ARSF: variants seen among roughly 807,000 people sequenced by gnomAD.
The protein encoded by ARSF is arylsulfatase F.
ARSF carries 33 observed loss-of-function variants against 35.4 expected under a neutral mutation model. The observed-to-expected ratio is 0.93, with a 90% CI of 0.71 to 1.25. The LOEUF (loss-of-function observed/expected upper bound fraction) is 1.25, where lower values mean the gene tolerates loss of function less well. Ranked by LOEUF, ARSF falls within the 50% of genes most tolerant of loss-of-function variation. The probability of loss-of-function intolerance (pLI) is 0.00; values close to 1 mark genes in which losing one functional copy is unlikely to be tolerated. For synonymous variants in ARSF, 222 were observed against 193.1 expected (o/e 1.15, Z -1.24); for missense variants, 501 against 480.2 (o/e 1.04, Z -0.40).
intron 4 of ARSF, among the ~76,000 whole-genome samples, chrX:3,080,650 G>A (rs944835167): frequency 3.6e-5 from 4 of 110,212 alleles, no homozygotes; most frequent in African/African-American, 1.3e-4. Context: ...TTCATACACG[G>A]CGCCCTCTTG....
chrX:3,068,052 C>T (rs1323980622), intron 1 of ARSF, 21 bp from the exon 2 acceptor site: 14 of 1,105,112 alleles, frequency 1.3e-5, no homozygotes, highest in East Asian at 3.1e-5. Flanking sequence ...TTTTAAATCA[C>T]GTCTGTGTCT....
At chrX:3,073,016 T>C (rs1043829702) in intron 3 of ARSF, among the ~76,000 whole-genome samples, 62 of 100,563 alleles carry the variant, frequency 6.2e-4, no homozygotes, top group Non-Finnish European at 1.0e-3. Context: ...ATATTCACTT[T>C]TATATAAATG....
At chrX:3,092,835 T>C (rs139485720) in intron 7 of ARSF, among the ~76,000 whole-genome samples, 1,133 of 112,305 alleles carry the variant, frequency 0.01, 14 homozygotes, top group African/African-American at 0.034. Flanking sequence ...AAAAGTTGAT[T>C]TGTGGCCATT....
chrX:3,098,968 C>G (rs1176288785), intron 7 of ARSF, among the ~76,000 whole-genome samples: 1 of 110,453 alleles, frequency 9.1e-6, no homozygotes, highest in Non-Finnish European at 1.9e-5. Context: ...GTCCCCTTCA[C>G]CCATCTTTCC....
intron 7 of ARSF, among the ~76,000 whole-genome samples, chrX:3,092,488 G>A (rs1441451768): frequency 8.9e-6 from 1 of 111,883 alleles, no homozygotes; most frequent in Non-Finnish European, 1.9e-5. Context: ...GTTCAAACAA[G>A]GCACTTTGGG....
chrX:3,112,177 G>T lies in ARSF; in HGVS notation c.1394G>T (p.Gly465Val). The T allele has an allele frequency of 1.7e-6, 2 of 1,201,407 alleles. No individual in the cohort carries two copies. The highest frequency in any genetic ancestry group is 3.6e-5 in the South Asian group (2 of 55,129). Reference protein sequence around the residue: ...AVRWIPKDDSGSVWKAHYVTP... With the variant: ...AVRWIPKDDSVSVWKAHYVTP... ...GAGTCTCTCTTTTCTCCTCCAGGTG[G>T]GTCAGTTTGGAAGGCTCACTATGTG... is the stretch of plus-strand genomic sequence containing the variant. The change falls in exon 11 of 11, where the codon GGG becomes GTG. Residue 465 changes from glycine (G) to valine (V), a missense_variant. Gly to Val is a moderately radical substitution (Grantham distance 109). Transcript: ENST00000381127.
At chrX:3,080,665 G>A (rs774327100) in intron 4 of ARSF, among the ~76,000 whole-genome samples, 109 of 110,294 alleles carry the variant, frequency 9.9e-4, no homozygotes, top group South Asian at 2.0e-3. Context: ...CTCTTGCTGT[G>A]TCCTCACATG....
At chrX:3,094,227 T>C (rs1025521963) in intron 7 of ARSF, among the ~76,000 whole-genome samples, 1 of 111,875 alleles carries the variant, frequency 8.9e-6, no homozygotes, top group Non-Finnish European at 1.9e-5. Flanking sequence ...CTTTGGTGGC[T>C]GCTCCTGGAG....
At chrX:3,094,807 A>T (rs2090328476) in intron 7 of ARSF, among the ~76,000 whole-genome samples, 1 of 109,353 alleles carries the variant, frequency 9.1e-6, no homozygotes, top group African/African-American at 3.3e-5. Context: ...TGTCATATAT[A>T]TATATAATTT....
chrX:3,057,771 A>G (rs1365474674), intron 1 of ARSF, among the ~76,000 whole-genome samples: 2 of 111,847 alleles, frequency 1.8e-5, no homozygotes, highest in Non-Finnish European at 3.8e-5. Context: ...TCACTGGGTC[A>G]CTATACCCAG....
intron 3 of ARSF, among the ~76,000 whole-genome samples, chrX:3,075,877 TTC>T (rs1300833465): frequency 1.6e-5 from 1 of 62,921 alleles, no homozygotes; most frequent in Non-Finnish European, 3.0e-5. Flanking sequence ...TCCTCTCTTC[TTC>T]TCTCTCTCCA....
intron 1 of ARSF, among the ~76,000 whole-genome samples, chrX:3,067,647 T>C (rs1235690862): frequency 9.1e-6 from 1 of 109,543 alleles, no homozygotes. Flanking sequence ...GCACTTGAGG[T>C]CAGCAGTTCA....
intron 9 of ARSF, among the ~76,000 whole-genome samples, chrX:3,106,321 G>A (rs2090411005): frequency 8.9e-6 from 1 of 112,168 alleles, no homozygotes; most frequent in Non-Finnish European, 1.9e-5. Context: ...TGATTTTTTG[G>A]TTATTCCTAT....
At chrX:3,103,960 T>C (rs1346706389) in intron 9 of ARSF, 36 bp downstream of exon 9, 1 of 1,181,191 alleles carries the variant, frequency 8.5e-7, no homozygotes, top group African/African-American at 1.8e-5. Flanking sequence ...GAGCTTATTT[T>C]CACCCTTCTT....
chrX:3,055,669 G>A (rs1199868563), intron 1 of ARSF, among the ~76,000 whole-genome samples: 1 of 111,657 alleles, frequency 9.0e-6, no homozygotes, highest in African/African-American at 3.3e-5. Context: ...TGGGACAGAA[G>A]GATGAAAAGG....
At chrX:3,100,887 G>A (rs951787968) in intron 7 of ARSF, among the ~76,000 whole-genome samples, 200 bp from the exon 8 acceptor site, 9 of 111,525 alleles carry the variant, frequency 8.1e-5, no homozygotes, top group Non-Finnish European at 1.3e-4. Context: ...GAGCCACCGC[G>A]CCCGGCCTGA....
At chrX:3,071,417 C>T (rs1319427920) in intron 2 of ARSF, among the ~76,000 whole-genome samples, 1 of 110,549 alleles carries the variant, frequency 9.0e-6, no homozygotes, top group Non-Finnish European at 1.9e-5. Flanking sequence ...GATTCTCCTG[C>T]CTCAGCCCCC....
intron 7 of ARSF, among the ~76,000 whole-genome samples, chrX:3,090,099 G>A (rs1245696825): frequency 9.0e-6 from 1 of 111,064 alleles, no homozygotes; most frequent in Non-Finnish European, 1.9e-5. Context: ...GTAGTCCCCA[G>A]TATCTATTGT....
chrX:3,059,797 G>A (rs773959117), intron 1 of ARSF, among the ~76,000 whole-genome samples: 3 of 112,707 alleles, frequency 2.7e-5, no homozygotes, highest in African/African-American at 9.6e-5. Context: ...AGCTCGAACT[G>A]GGCAGAGCCC....
Sources: gnomAD v4.1 joint callset for allele counts (sites outside exome capture counted in the v4.1 genomes callset) on GRCh38, gnomAD v4.1.1 for gene constraint, MANE v1.5 for transcripts, NCBI Gene and HGNC (gene_info 2026-07-23, HGNC 2026-07-21) for gene names.